Variants in SPOCK3 observed in about 807,000 individuals in gnomAD.
SPOCK3 encodes testican-3.
A neutral mutation model predicts 56.6 loss-of-function variants in SPOCK3; 30 were observed. The observed-to-expected ratio is 0.53, with a 90% CI of 0.40 to 0.72. The LOEUF (loss-of-function observed/expected upper bound fraction) is 0.72. Ranked by LOEUF, SPOCK3 falls within the 30% of genes least tolerant of loss-of-function variation. The pLI is 0.00. For synonymous variants in SPOCK3, 196 were observed against 183.3 expected (o/e 1.07, Z -0.56); for missense variants, 527 against 530.0 (o/e 0.99, Z 0.06).
chr4:166,969,539 C>CATTAAATGTGTTTAACACTTTTAACAT (rs1745144835), intron 4 of SPOCK3, among the ~76,000 whole-genome samples: 1 of 125,450 alleles, frequency 8.0e-6, no homozygotes, highest in East Asian at 2.0e-4. Flanking sequence ...ACTTTTAACA[C>CATTAAATGTGTTTAACACTTTTAACAT]ATTAAATGTG....
At chr4:167,039,355 A>G (rs935185304) in intron 3 of SPOCK3, among the ~76,000 whole-genome samples, 5 of 152,204 alleles carry the variant, frequency 3.3e-5, no homozygotes, top group Non-Finnish European at 5.9e-5. Flanking sequence ...ACTTATGTGT[A>G]TCTTCTGCGG....
At chr4:167,126,198 C>T (rs775836969) in intron 2 of SPOCK3, among the ~76,000 whole-genome samples, 5 of 152,156 alleles carry the variant, frequency 3.3e-5, no homozygotes, top group Non-Finnish European at 5.9e-5. Context: ...TTGACACCTA[C>T]GGTAAGGTCA....
chr4:167,160,910 C>T (rs1202081036), intron 2 of SPOCK3, among the ~76,000 whole-genome samples: 1 of 152,108 alleles, frequency 6.6e-6, no homozygotes, highest in Non-Finnish European at 1.5e-5. Context: ...TGATTAAAGA[C>T]TTAAATGTTA....
intron 2 of SPOCK3, among the ~76,000 whole-genome samples, chr4:167,137,214 G>A (rs987104967): frequency 8.6e-5 from 13 of 151,900 alleles, no homozygotes; most frequent in Non-Finnish European, 1.6e-4. Context: ...ATATCTTGAG[G>A]CGATACCCAA....
In SPOCK3 at chr4:166,734,235, TG is replaced by T. The variant is rs1734001777; in HGVS notation, c.*685del. On this transcript the variant is annotated 3_prime_UTR_variant, in exon 11 of 11. Transcript: ENST00000357545. ...ATCTTTTAAAAAATCTGCATGAGAC[TG>T]CCATCCAAATTAAAATACACATTGG... 4 of 151,984 alleles carry T rather than the reference TG, an allele frequency of 2.6e-5. No homozygotes were observed. The South Asian group carries it at 8.3e-4, about 31-fold the overall frequency. The allele number at this position is 151,984 out of a possible 1,614,324, so 9.4% of individuals were successfully genotyped here. A position where few individuals can be genotyped will look rare whatever the true frequency, so the allele number is the denominator to read the frequency against.
chr4:167,120,960 A>AT (rs1211876312), intron 2 of SPOCK3, among the ~76,000 whole-genome samples: 3 of 151,826 alleles, frequency 2.0e-5, no homozygotes, highest in African/African-American at 4.8e-5. Flanking sequence ...CCAAATGTCT[A>AT]TTTTTTCAAT....
chr4:167,158,259 A>C (rs1342768966), intron 2 of SPOCK3, among the ~76,000 whole-genome samples: 1 of 152,034 alleles, frequency 6.6e-6, no homozygotes, highest in East Asian at 1.9e-4. Flanking sequence ...GTCTTTGGTA[A>C]TAAGTCACAG....
intron 8 of SPOCK3, chr4:166,754,220 A>C (rs539989388): frequency 2.1e-5 from 23 of 1,096,032 alleles, no homozygotes; most frequent in Non-Finnish European, 2.6e-5. Flanking sequence ...TCAGTATCTA[A>C]GTTCTTAATA....
At chr4:167,116,611 AC>A (rs1333783771) in intron 2 of SPOCK3, among the ~76,000 whole-genome samples, 2 of 134,400 alleles carry the variant, frequency 1.5e-5, no homozygotes, top group African/African-American at 5.6e-5. Context: ...TATACTATAT[AC>A]GTATATATAT....
At chr4:166,969,745 T>C (rs1275177035) in intron 4 of SPOCK3, among the ~76,000 whole-genome samples, 1 of 152,168 alleles carries the variant, frequency 6.6e-6, no homozygotes, top group African/African-American at 2.4e-5. Context: ...CAAGTAGTCA[T>C]TTATAGCAGG....
At chr4:167,231,065 C>G (rs745666802) in intron 2 of SPOCK3, among the ~76,000 whole-genome samples, 1 of 152,006 alleles carries the variant, frequency 6.6e-6, no homozygotes, top group Admixed American at 6.5e-5. Context: ...CCTACTCTCT[C>G]GTAACTCTAT....
At chr4:167,137,817 T>C (rs924531860) in intron 2 of SPOCK3, among the ~76,000 whole-genome samples, 2 of 151,862 alleles carry the variant, frequency 1.3e-5, no homozygotes, top group African/African-American at 4.8e-5. Context: ...TTTTAAAATA[T>C]GCCTAAATTC....
Position 166,800,183 on chromosome 4 carries a change from G to GAAAAAAAAAAAAAAAAAAA in SPOCK3, c.590-7913_590-7895dup, listed in dbSNP as rs367811359. On this transcript the variant is annotated intron_variant, in intron 6 of 10. Coordinates refer to ENST00000357545, the MANE Select transcript of SPOCK3 (RefSeq NM_001040159.2). ...GGCGACAGAGAGAGACTCCATCTCA[G>GAAAAAAAAAAAAAAAAAAA]AAAAAAAAAAAAAAAAAAAAAAATG... Among the ~76,000 whole-genome samples the GAAAAAAAAAAAAAAAAAAA allele has an allele frequency of 4.6e-3, 238 of 51,730 alleles. 13 individuals carry two copies. Among genetic ancestry groups the GAAAAAAAAAAAAAAAAAAA allele is most frequent in the East Asian group, 0.024 (17 of 714 alleles). 33.9% of individuals were successfully genotyped at this position (51,730 alleles called of 152,430 possible). A position where few individuals can be genotyped will look rare whatever the true frequency, so the allele number is the denominator to read the frequency against.
At chr4:166,969,540 A>ATTAAATGTGT (rs1561068396) in intron 4 of SPOCK3, among the ~76,000 whole-genome samples, 1 of 129,514 alleles carries the variant, frequency 7.7e-6, no homozygotes, top group Non-Finnish European at 1.6e-5. Flanking sequence ...CTTTTAACAC[A>ATTAAATGTGT]TTAAATGTGT....
intron 6 of SPOCK3, among the ~76,000 whole-genome samples, chr4:166,819,164 C>T (rs1274381618): frequency 1.3e-5 from 2 of 151,896 alleles, no homozygotes; most frequent in Admixed American, 1.3e-4. Flanking sequence ...TATCTAATAC[C>T]CATTCATTCA....
intron 2 of SPOCK3, among the ~76,000 whole-genome samples, chr4:167,198,154 T>A (rs912258358): frequency 1.3e-5 from 2 of 152,204 alleles, no homozygotes; most frequent in African/African-American, 4.8e-5. Context: ...AAAATATATT[T>A]TCCTCTTGAA....
intron 2 of SPOCK3, among the ~76,000 whole-genome samples, chr4:167,182,877 A>C (rs968585432): frequency 2.0e-5 from 3 of 152,010 alleles, no homozygotes; most frequent in Non-Finnish European, 4.4e-5. Context: ...TGTAACACTG[A>C]CTTCAATCTT....
intron 4 of SPOCK3, among the ~76,000 whole-genome samples, chr4:166,972,117 G>T (rs972318840): frequency 2.0e-5 from 3 of 152,092 alleles, no homozygotes; most frequent in African/African-American, 2.4e-5. Context: ...CAGCCTCTGT[G>T]GTGCATCACT....
intron 2 of SPOCK3, among the ~76,000 whole-genome samples, chr4:167,223,967 A>T (rs1047141753): frequency 6.6e-6 from 1 of 152,092 alleles, no homozygotes; most frequent in Non-Finnish European, 1.5e-5. Flanking sequence ...TACCATCATC[A>T]TTCTCTACAG....
Sources: allele counts gnomAD v4.1 joint callset (sites outside exome capture counted in the v4.1 genomes callset), GRCh38; gene constraint gnomAD v4.1.1; transcripts MANE v1.5; gene names NCBI Gene and HGNC (gene_info 2026-07-23, HGNC 2026-07-21).